The following UNC93B1 variants were observed in gnomAD, a reference collection of about 807,000 sequenced individuals.
The protein encoded by UNC93B1 is protein unc-93 homolog B1.
Under a neutral mutation model 56.8 loss-of-function variants are expected in UNC93B1, and 33 were observed. The ratio of observed to expected loss-of-function variants is 0.58; its 90% CI spans 0.44 to 0.78. UNC93B1 has a LOEUF of 0.78. Among genes scored for constraint, UNC93B1 ranks in the 30% least tolerant of loss-of-function variants. The pLI is 0.00. For synonymous variants in UNC93B1, 334 were observed against 358.6 expected, an observed-to-expected ratio of 0.93 and a Z score of 0.77; for missense variants, 673 against 819.5, an observed-to-expected ratio of 0.82 and a Z score of 2.18.
At chr11:68,000,402 C>T (rs1265424516) in intron 3 of UNC93B1, among the ~76,000 whole-genome samples, 1 of 152,212 alleles carries the variant, frequency 6.6e-6, no homozygotes, top group Non-Finnish European at 1.5e-5. Flanking sequence ...CAGTGGCTCA[C>T]ATCTGTAATT....
chr11:68,000,181 G>A (rs1857023336), intron 3 of UNC93B1, among the ~76,000 whole-genome samples: 1 of 152,224 alleles, frequency 6.6e-6, no homozygotes, highest in African/African-American at 2.4e-5. Flanking sequence ...ACCTCTCTGG[G>A]TCTGGGAAAA....
In UNC93B1 at chr11:67,999,811, A is replaced by T. The variant is rs1041041909; in HGVS notation, c.393-131T>A. The T allele has an allele frequency of 4.0e-6, 5 of 1,252,248 alleles. No homozygotes were observed. The African/African-American group carries it at 6.0e-5, about 15-fold the overall frequency. 77.6% of individuals were successfully genotyped at this position (1,252,248 alleles called of 1,614,324 possible). On this transcript the variant is annotated intron_variant, in intron 3 of 10. Transcript: ENST00000227471. ...GGTAGAGAGAGTCGAGGGCACTGAG[A>T]TGGAATATCAGATACACAGACTTGC...
chr11:67,991,271 G>C lies in UNC93B1; in HGVS notation c.*275C>G, dbSNP rs1317637719. On this transcript the variant is annotated 3_prime_UTR_variant, in exon 11 of 11. Coordinates refer to ENST00000227471, the MANE Select transcript of UNC93B1 (RefSeq NM_030930.4). ...CGCAAGAAGACCCTGACCGTGCTCC[G>C]GCGCTGGGGCGCGTGCTAAGGGCCC... is the stretch of plus-strand genomic sequence containing the variant. 4.5e-5 allele frequency: 16 copies of C among 355,102 alleles called. No homozygotes were observed. The highest frequency in any genetic ancestry group is 5.0e-5 in the Non-Finnish European group (10 of 198,910). 22.0% of individuals were successfully genotyped at this position (355,102 alleles called of 1,614,324 possible).
In UNC93B1 at chr11:68,003,896, G is replaced by C. The variant is rs1469321949; in HGVS notation, c.96+52C>G. On this transcript the variant is annotated intron_variant, in intron 1 of 10. Transcript: ENST00000227471. This position sits in a 1 kb window ranked among gnomAD's most constrained non-coding sequence, Gnocchi z 4.4. The stretch of plus-strand genomic sequence containing the variant: ...CGGCCCGCCCCGCCCCCGCCGGGGG[G>C]ACCCTGGCCCACAGGGGACGCCCGC... The C allele has an allele frequency of 7.7e-6, 10 of 1,294,372 alleles. No individual in the cohort carries two copies. Among genetic ancestry groups the C allele is most frequent in the South Asian group, 4.7e-5 (2 of 42,882 alleles). 80.2% of individuals were successfully genotyped at this position (1,294,372 alleles called of 1,614,324 possible). A position where few individuals can be genotyped will look rare whatever the true frequency, so the allele number is the denominator to read the frequency against.
Position 68,003,174 on chromosome 11 carries a change from G to T in UNC93B1, c.240C>A (p.Gly80=). ...GGMLTYGVYL[G]LLQMQLILHY... The stretch of plus-strand genomic sequence containing the variant: ...GCAGGATCAGCTGCATCTGCAGGAG[G>T]CCTGGGGACAGGACAGAGAGCGGCG... The change falls in exon 3 of 11, where the codon GGC becomes GGA. Residue 80 remains glycine (G), a splice_region_variant and synonymous_variant. Coordinates refer to ENST00000227471, the MANE Select transcript of UNC93B1 (RefSeq NM_030930.4). The surrounding 1 kb of genome is among the most constrained non-coding windows in gnomAD (Gnocchi z 4.4). 3.1e-6 allele frequency: 5 copies of T among 1,611,078 alleles called. No homozygotes were observed. The highest frequency in any genetic ancestry group is 3.4e-6 in the Non-Finnish European group (4 of 1,179,658).
intron 9 of UNC93B1, among the ~76,000 whole-genome samples, chr11:67,994,664 C>T (rs1330204122): frequency 6.6e-6 from 1 of 152,132 alleles, no homozygotes; most frequent in Non-Finnish European, 1.5e-5. Context: ...TGGACTCTGC[C>T]CAGAATTGGC....
Position 68,003,827 on chromosome 11 carries a change from G to A in UNC93B1, c.97-29C>T, listed in dbSNP as rs1857089620. On this transcript the variant is annotated intron_variant, in intron 1 of 10. Transcript: ENST00000227471. The surrounding 1 kb of genome is among the most constrained non-coding windows in gnomAD (Gnocchi z 4.4). Reference sequence around the variant, plus strand: ...CGAGCCACGCACGCCGCTCGCACCCGCGATCGCGCCCCGAACCCGTGTCCC... The same window carrying A: ...CGAGCCACGCACGCCGCTCGCACCCACGATCGCGCCCCGAACCCGTGTCCC... The A allele has an allele frequency of 6.2e-6, 9 of 1,450,878 alleles. No homozygotes were observed. The highest frequency in any genetic ancestry group is 4.8e-5 in the Admixed American group (2 of 42,038). 89.9% of individuals were successfully genotyped at this position (1,450,878 alleles called of 1,614,324 possible). A position where few individuals can be genotyped will look rare whatever the true frequency, so the allele number is the denominator to read the frequency against.
intron 9 of UNC93B1, among the ~76,000 whole-genome samples, chr11:67,994,842 A>G (rs534361924): frequency 6.6e-6 from 1 of 152,378 alleles, no homozygotes; most frequent in East Asian, 1.9e-4. Context: ...TCGGCCCATC[A>G]GAACAGACAC....
chr11:67,999,064 A>G (rs1856998919), intron 5 of UNC93B1, 109 bp downstream of exon 5: 1 of 1,502,770 alleles, frequency 6.7e-7, no homozygotes, highest in Admixed American at 2.0e-5. Flanking sequence ...GCCTCTTAAA[A>G]ATAACAATAA....
In UNC93B1 at chr11:68,003,635, C is replaced by A; in HGVS notation, c.238+22G>T. 6.6e-7 allele frequency: 1 copy of A among 1,509,362 alleles called. No homozygotes were observed. Among genetic ancestry groups the A allele is most frequent in the Admixed American group, 2.0e-5 (1 of 48,952 alleles). The allele number at this position is 1,509,362 out of a possible 1,614,324, so 93.5% of individuals were successfully genotyped here. A position where few individuals can be genotyped will look rare whatever the true frequency, so the allele number is the denominator to read the frequency against. The stretch of plus-strand genomic sequence containing the variant: ...GGGCTGGGAGCGGGCGGGGCGGCCC[C>A]GGGTCCCCGAGCGGCACCTACCCAG... On this transcript the variant is annotated intron_variant, in intron 2 of 10. Coordinates refer to ENST00000227471, the MANE Select transcript of UNC93B1 (RefSeq NM_030930.4). This position sits in a 1 kb window ranked among gnomAD's most constrained non-coding sequence, Gnocchi z 4.4.
In UNC93B1 at chr11:68,004,010, C is replaced by T. The variant is rs1224430672; in HGVS notation, c.34G>A (p.Gly12Arg). The change falls in exon 1 of 11, where the codon GGG becomes AGG. Residue 12 changes from glycine to arginine, a missense_variant. Gly to Arg is a moderately radical substitution (Grantham distance 125). Around this residue, in one of 3 missense-constraint regions of UNC93B1, gnomAD observed 438 missense variants for 465.9 expected, o/e 0.94. Transcript: ENST00000227471. ...EAEPPLYPMA[G>R]AAGPQGDEDL... ...TCGTCGCCCTGCGGCCCCGCAGCCC[C>T]CGCCATCGGGTAGAGCGGCGGCTCC... 1.4e-6 allele frequency: 2 copies of T among 1,404,214 alleles called. No individual in the cohort carries two copies. Among genetic ancestry groups the T allele is most frequent in the South Asian group, 1.5e-5 (1 of 67,192 alleles). The allele number at this position is 1,404,214 out of a possible 1,614,324, so 87.0% of individuals were successfully genotyped here.
At chr11:67,998,809 A>T (rs1856995459) in intron 5 of UNC93B1, among the ~76,000 whole-genome samples, 1 of 152,130 alleles carries the variant, frequency 6.6e-6, no homozygotes, top group African/African-American at 2.4e-5. Flanking sequence ...AGGTAGGAGG[A>T]TCACTTGAGC....
intron 9 of UNC93B1, 57 bp downstream of exon 9, chr11:67,995,554 T>C: frequency 8.6e-7 from 1 of 1,163,562 alleles, no homozygotes; most frequent in Non-Finnish European, 1.1e-6. Flanking sequence ...CACCCACAGA[T>C]AGCCATAAAG....
chr11:67,997,354 C>T (rs1856966379), intron 7 of UNC93B1, among the ~76,000 whole-genome samples: 1 of 152,232 alleles, frequency 6.6e-6, no homozygotes, highest in Non-Finnish European at 1.5e-5. Context: ...CCCCAACCCC[C>T]TCACAGGTCT....
rs546017482 is a variant in UNC93B1 at position 67,991,297 on chromosome 11, G to A, written c.*249C>T. Reference sequence around the variant, plus strand: ...GCGCTGGGGCGCGTGCTAAGGGCCCGCGGGGTTTCAGCTGTATTTTCGAAC... The same window carrying A: ...GCGCTGGGGCGCGTGCTAAGGGCCCACGGGGTTTCAGCTGTATTTTCGAAC... On this transcript the variant is annotated 3_prime_UTR_variant, in exon 11 of 11. Coordinates refer to ENST00000227471, the MANE Select transcript of UNC93B1 (RefSeq NM_030930.4). 4 of 402,882 alleles carry A rather than the reference G, an allele frequency of 9.9e-6. No individual in the cohort carries two copies. The highest frequency in any genetic ancestry group is 2.1e-5 in the African/African-American group (1 of 47,852). 25.0% of individuals were successfully genotyped at this position (402,882 alleles called of 1,614,324 possible).
At position 68,003,163 on chromosome 11, in the gene UNC93B1, A is replaced by G. The variant is rs777572172; in HGVS notation, c.251T>C (p.Met84Thr). Reference sequence around the variant, plus strand: ...CTCGTCGTAGTGCAGGATCAGCTGCATCTGCAGGAGGCCTGGGGACAGGAC... The same window carrying G: ...CTCGTCGTAGTGCAGGATCAGCTGCGTCTGCAGGAGGCCTGGGGACAGGAC... ...TYGVYLGLLQMQLILHYDETY... is the reference protein window; with the variant it reads ...TYGVYLGLLQTQLILHYDETY... The change falls in exon 3 of 11, where the codon ATG becomes ACG. Residue 84 changes from methionine to threonine, a missense_variant. Physicochemically the swap from Met to Thr is moderately conservative, Grantham distance 81. This residue lies in a region of UNC93B1 where 438 missense variants were observed against 465.9 expected (regional missense o/e 0.94). Transcript: ENST00000227471. This position sits in a 1 kb window ranked among gnomAD's most constrained non-coding sequence, Gnocchi z 4.4. The G allele has an allele frequency of 1.2e-6, 2 of 1,612,128 alleles. No individual in the cohort carries two copies. Among genetic ancestry groups the G allele is most frequent in the Non-Finnish European group, 1.7e-6 (2 of 1,179,730 alleles).
At chr11:68,002,369 G>A (rs1213848648) in intron 3 of UNC93B1, among the ~76,000 whole-genome samples, 10 of 152,128 alleles carry the variant, frequency 6.6e-5, no homozygotes, top group Admixed American at 5.2e-4. Context: ...CCTGTGCAAC[G>A]GGAGATGTTT....
chr11:67,996,677 G>A lies in UNC93B1; in HGVS notation c.1014C>T (p.Tyr338=). 6.4e-7 allele frequency: 1 copy of A among 1,551,622 alleles called. No homozygotes were observed. Among genetic ancestry groups the A allele is most frequent in the Non-Finnish European group, 8.7e-7 (1 of 1,146,936 alleles). Reference sequence around the variant, plus strand: ...AGAAAGGCACGAGGTGGCGCAGGCGGTAGTCACGCACGTGCTTGAAGGGCA... The same window carrying A: ...AGAAAGGCACGAGGTGGCGCAGGCGATAGTCACGCACGTGCTTGAAGGGCA... ...FQLPFKHVRD[Y]RLRHLVPFFI... is the part of the protein sequence containing the mutation. The change falls in exon 8 of 11, where the codon TAC becomes TAT. Residue 338 remains tyrosine, a synonymous_variant. Transcript: ENST00000227471.
Position 68,003,740 on chromosome 11 carries a change from T to A in UNC93B1, c.155A>T (p.Tyr52Phe), listed in dbSNP as rs1314833955. Residue 52 changes from tyrosine to phenylalanine, a missense_variant, in exon 2 of 11, where the codon TAC becomes TTC. Tyr to Phe is a conservative substitution (Grantham distance 22, BLOSUM62 3). This residue lies in a region of UNC93B1 where 438 missense variants were observed against 465.9 expected (regional missense o/e 0.94). Transcript: ENST00000227471. This position sits in a 1 kb window ranked among gnomAD's most constrained non-coding sequence, Gnocchi z 4.4. ...NYNEEEEERRYYRRKRLGVLK... is the reference protein window; with the variant it reads ...NYNEEEEERRFYRRKRLGVLK... ...CACGCCCAGGCGCTTGCGGCGGTAG[T>A]AGCGGCGCTCCTCCTCCTCCTCGTT... The A allele has an allele frequency of 9.8e-6, 15 of 1,525,508 alleles. No individual in the cohort carries two copies. In the South Asian group the frequency reaches 1.1e-4, roughly 11 times the overall value. 94.5% of individuals were successfully genotyped at this position (1,525,508 alleles called of 1,614,324 possible). A position where few individuals can be genotyped will look rare whatever the true frequency, so the allele number is the denominator to read the frequency against.
Sources: gnomAD v4.1 joint callset for allele counts (sites outside exome capture counted in the v4.1 genomes callset) on GRCh38, gnomAD v4.1.1 for gene constraint, gnomAD v4.1.1 regional missense constraint, Gnocchi (gnomAD v3.1) non-coding constraint, MANE v1.5 for transcripts, NCBI Gene and HGNC (gene_info 2026-07-23, HGNC 2026-07-21) for gene names.